Variants in ITGA8 observed in about 807,000 individuals in gnomAD.
The protein encoded by ITGA8 is integrin alpha-8.
ITGA8 carries 91 observed loss-of-function variants against 142.3 expected under a neutral mutation model. The observed-to-expected ratio is 0.64, with a 90% CI of 0.54 to 0.76. ITGA8 has a LOEUF of 0.76. Among genes scored for constraint, ITGA8 ranks in the 30% least tolerant of loss-of-function variants. The probability of loss-of-function intolerance (pLI) is 0.00; values close to 1 mark genes in which losing one functional copy is unlikely to be tolerated. For synonymous variants in ITGA8, 505 were observed against 485.2 expected, an observed-to-expected ratio of 1.04 and a Z score of -0.54; for missense variants, 1,406 against 1,327.7, an observed-to-expected ratio of 1.06 and a Z score of -0.92.
At chr10:15,558,881 T>C (rs1833928475) in intron 25 of ITGA8, among the ~76,000 whole-genome samples, 1 of 152,218 alleles carries the variant, frequency 6.6e-6, no homozygotes, top group Admixed American at 6.5e-5. Flanking sequence ...ATAAATATTT[T>C]GAGAATTCCA....
chr10:15,578,929 G>A (rs1588655657), intron 23 of ITGA8, among the ~76,000 whole-genome samples: 1 of 152,186 alleles, frequency 6.6e-6, no homozygotes, highest in East Asian at 1.9e-4. Context: ...AGCTTTGAAA[G>A]AAATGGAACA....
intron 2 of ITGA8, among the ~76,000 whole-genome samples, chr10:15,694,366 TATATC>T (rs1294154904): frequency 1.0e-4 from 13 of 129,910 alleles, no homozygotes; most frequent in Admixed American, 2.4e-4. Flanking sequence ...TATCAGATAA[TATATC>T]ATATATGATA....
intron 29 of ITGA8, 84 bp from the exon 30 acceptor site, chr10:15,517,328 A>T (rs1832983009): frequency 5.6e-6 from 4 of 720,668 alleles, no homozygotes; most frequent in African/African-American, 1.9e-5. Flanking sequence ...CACTTTATGT[A>T]TTTTTTTTTT....
At chr10:15,560,933 C>T (rs186134258) in intron 25 of ITGA8, among the ~76,000 whole-genome samples, 13 of 151,948 alleles carry the variant, frequency 8.6e-5, no homozygotes, top group African/African-American at 1.4e-4. Flanking sequence ...TTTATAGACA[C>T]GGTCTCACTC....
At chr10:15,707,945 T>C (rs1436647200) in intron 2 of ITGA8, among the ~76,000 whole-genome samples, 1 of 146,688 alleles carries the variant, frequency 6.8e-6, no homozygotes, top group Admixed American at 7.0e-5. Flanking sequence ...CAAGCTAAAA[T>C]AAATGTGCAC....
chr10:15,645,322 T>G (rs956899279), intron 12 of ITGA8, among the ~76,000 whole-genome samples: 2 of 152,100 alleles, frequency 1.3e-5, no homozygotes, highest in Non-Finnish European at 2.9e-5. Context: ...GGACCTCCCT[T>G]TATGTCATTT....
At position 15,674,183 on chromosome 10, in the gene ITGA8, CAT is replaced by C. The variant is rs1228446585; in HGVS notation, c.677-1436_677-1435del. 2.6e-5 allele frequency among the ~76,000 whole-genome samples: 4 copies of C among 152,280 alleles called. No individual in the cohort carries two copies. The East Asian group carries it at 7.7e-4, about 29-fold the overall frequency. ...TGATATTAAGACCATGGTATTTACA[CAT>C]GAGTTTCTGAACACTGTCTGTAGAA... On this transcript the variant is annotated intron_variant, in intron 6 of 29. Coordinates refer to ENST00000378076, the MANE Select transcript of ITGA8 (RefSeq NM_003638.3).
Position 15,714,876 on chromosome 10 carries a change from G to C in ITGA8, c.343+3890C>G, listed in dbSNP as rs565542905. On this transcript the variant is annotated intron_variant, in intron 2 of 29. Transcript: ENST00000378076. ...GAATACCCAATTGTAGACACCCCAG[G>C]GACCTGAACAAGTTGAAACAACTTC... Among the ~76,000 whole-genome samples the C allele has an allele frequency of 2.6e-5, 4 of 152,104 alleles. 1 individual carries two copies. The East Asian group carries it at 7.8e-4, about 29-fold the overall frequency.
intron 13 of ITGA8, among the ~76,000 whole-genome samples, chr10:15,637,621 C>T (rs1438902958): frequency 6.6e-6 from 1 of 151,182 alleles, no homozygotes. Context: ...AGATGATTCT[C>T]CCACTTCAGA....
At chr10:15,566,164 C>T (rs191181513) in intron 25 of ITGA8, among the ~76,000 whole-genome samples, 22 of 152,222 alleles carry the variant, frequency 1.4e-4, no homozygotes, top group African/African-American at 4.3e-4. Context: ...TCTGTGTCTC[C>T]GCTTTCCATG....
At chr10:15,612,225 G>A (rs555271215) in intron 15 of ITGA8, among the ~76,000 whole-genome samples, 1 of 152,098 alleles carries the variant, frequency 6.6e-6, no homozygotes, top group South Asian at 2.1e-4. Flanking sequence ...CCAGCAATAG[G>A]ATGTTTTTCA....
Position 15,605,778 on chromosome 10 carries a change from A to G in ITGA8, c.1916T>C (p.Val639Ala). The G allele has an allele frequency of 1.2e-6, 2 of 1,613,400 alleles. No individual in the cohort carries two copies. Among genetic ancestry groups the G allele is most frequent in the Non-Finnish European group, 1.7e-6 (2 of 1,179,388 alleles). Residue 639 changes from valine to alanine, a missense_variant, in exon 19 of 30, where the codon GTG becomes GCG. Transcript: ENST00000378076. ...NIVSEQAHIL[V>A]DCGEDNLCVP... ...ACACAGATTGTCTTCTCCACAGTCC[A>G]CCAGAATGTGAGCCTGTGTTGTATA...
intron 12 of ITGA8, among the ~76,000 whole-genome samples, chr10:15,646,061 A>G (rs137968580): frequency 6.6e-6 from 1 of 152,340 alleles, no homozygotes; most frequent in East Asian, 1.9e-4. Context: ...CTTGACATAT[A>G]GAAGGTTTCC....
chr10:15,528,491 C>T (rs925361009), intron 28 of ITGA8, among the ~76,000 whole-genome samples: 1 of 144,372 alleles, frequency 6.9e-6, no homozygotes, highest in African/African-American at 2.5e-5. Context: ...AAATCACCTA[C>T]ATCAGATAAA....
chr10:15,715,070 C>T (rs1281167520), intron 2 of ITGA8, among the ~76,000 whole-genome samples: 2 of 152,262 alleles, frequency 1.3e-5, no homozygotes, highest in South Asian at 2.1e-4. Context: ...GGGGCCACTA[C>T]TTAGTTAAGC....
At chr10:15,673,860 G>A (rs150773861) in intron 6 of ITGA8, among the ~76,000 whole-genome samples, 180 of 148,782 alleles carry the variant, frequency 1.2e-3, no homozygotes, top group African/African-American at 4.6e-3. Context: ...CTTGAAATAC[G>A]ATTGCCTTGG....
At chr10:15,707,763 C>A (rs997745054) in intron 2 of ITGA8, among the ~76,000 whole-genome samples, 2 of 148,340 alleles carry the variant, frequency 1.3e-5, no homozygotes, top group African/African-American at 5.0e-5. Flanking sequence ...GTGGAGGTTG[C>A]GGTGAGCCTA....
intron 26 of ITGA8, among the ~76,000 whole-genome samples, chr10:15,555,896 A>G (rs11259738): frequency 0.53 from 79,444 of 149,910 alleles, 24,136 homozygotes; most frequent in Middle Eastern, 0.67. Context: ...ACGGGGTTTC[A>G]CCACGCTAAC....
At chr10:15,614,154 G>A (rs577068344) in intron 14 of ITGA8, among the ~76,000 whole-genome samples, 24 of 152,226 alleles carry the variant, frequency 1.6e-4, no homozygotes, top group Non-Finnish European at 3.1e-4. Flanking sequence ...ACAGCCATTC[G>A]TATTTGTGAG....
Sources: allele counts gnomAD v4.1 joint callset (sites outside exome capture counted in the v4.1 genomes callset), GRCh38; gene constraint gnomAD v4.1.1; transcripts MANE v1.5; gene names NCBI Gene and HGNC (gene_info 2026-07-23, HGNC 2026-07-21).